Variants in TMEM243 observed in about 807,000 individuals in gnomAD.
The protein encoded by TMEM243 is transmembrane protein 243.
Under a neutral mutation model 15.0 loss-of-function variants are expected in TMEM243, and 20 were observed. The observed-to-expected ratio is 1.33, with a 90% confidence interval of 0.94 to 1.93. The LOEUF (loss-of-function observed/expected upper bound fraction) is 1.93, where lower values mean the gene tolerates loss of function less well. Among genes scored for constraint, TMEM243 ranks in the 30% most tolerant of loss-of-function variants. The pLI is 0.00. For missense variants in TMEM243, 156 were observed against 142.1 expected (o/e 1.10, Z -0.50); for synonymous variants, 72 against 52.7 (o/e 1.37, Z -1.59).
rs755808865 is a variant in TMEM243 at position 87,196,761 on chromosome 7, A to AAAAGAAG, written c.235-10_235-4dup. ...TCTCCTTGTCGATACCAGTAGATCTAAAAGAAGAATTAAAGTTTATAAATT... is the reference window on the plus strand; with the variant it reads ...TCTCCTTGTCGATACCAGTAGATCTAAAAGAAGAAAGAAGAATTAAAGTTTATAAATT... On this transcript the variant is annotated splice_region_variant and splice_polypyrimidine_tract_variant and intron_variant, in intron 3 of 3. Transcript: ENST00000257637. 2 of 1,533,854 alleles carry AAAAGAAG rather than the reference A, an allele frequency of 1.3e-6. No homozygotes were observed. The highest frequency in any genetic ancestry group is 1.8e-6 in the Non-Finnish European group (2 of 1,131,016).
At chr7:87,210,794 T>C (rs182184731) in intron 1 of TMEM243, among the ~76,000 whole-genome samples, 2 of 152,188 alleles carry the variant, frequency 1.3e-5, no homozygotes, top group East Asian at 1.9e-4. Context: ...ATGCAATCCA[T>C]AACGGCTCCC....
chr7:87,211,349 G>A (rs1316023597), intron 1 of TMEM243, among the ~76,000 whole-genome samples: 3 of 152,154 alleles, frequency 2.0e-5, no homozygotes, highest in Non-Finnish European at 4.4e-5. Flanking sequence ...CTGGGATGGG[G>A]AAAGAGCAAG....
rs1802320741 is a variant in TMEM243 at position 87,207,582 on chromosome 7, C to T, written c.79-8525G>A. 9.6e-4 allele frequency among the ~76,000 whole-genome samples: 4 copies of T among 4,184 alleles called. 1 individual carries two copies. The South Asian group carries it at 0.024, about 25-fold the overall frequency. The allele number at this position is 4,184 out of a possible 152,430, so 2.7% of individuals were successfully genotyped here. On this transcript the variant is annotated intron_variant, in intron 1 of 3. Coordinates refer to ENST00000257637, the MANE Select transcript of TMEM243 (RefSeq NM_024315.4). ...CTGCACTCCCACCTGGGCCACAGAG[C>T]GAGACTCCGTCTCAAAAAAAAAAAA... is the stretch of plus-strand genomic sequence containing the variant.
At chr7:87,202,434 G>A (rs1014836685) in intron 1 of TMEM243, among the ~76,000 whole-genome samples, 1 of 152,218 alleles carries the variant, frequency 6.6e-6, no homozygotes. Context: ...AAAAGAGCTG[G>A]AATGCAATGC....
Position 87,196,563 on chromosome 7 carries a change from C to G in TMEM243, c.*73G>C. The G allele has an allele frequency of 6.8e-7, 1 of 1,473,850 alleles. No homozygotes were observed. The highest frequency in any genetic ancestry group is 9.2e-7 in the Non-Finnish European group (1 of 1,092,126). 91.3% of individuals were successfully genotyped at this position (1,473,850 alleles called of 1,614,324 possible). A position where few individuals can be genotyped will look rare whatever the true frequency, so the allele number is the denominator to read the frequency against. On this transcript the variant is annotated 3_prime_UTR_variant, in exon 4 of 4. Coordinates refer to ENST00000257637, the MANE Select transcript of TMEM243 (RefSeq NM_024315.4). Reference sequence around the variant, plus strand: ...TTCTGCAGGAGATTCTTCAGCATACCTTATCCAAAAATTACTCACTGTCCT... The same window carrying G: ...TTCTGCAGGAGATTCTTCAGCATACGTTATCCAAAAATTACTCACTGTCCT...
chr7:87,210,644 C>T (rs1562886568), intron 1 of TMEM243, among the ~76,000 whole-genome samples: 1 of 152,220 alleles, frequency 6.6e-6, no homozygotes, highest in Non-Finnish European at 1.5e-5. Context: ...CTATGTTTCA[C>T]ATCTAGGCCA....
chr7:87,211,467 CA>C (rs1237302969), intron 1 of TMEM243, among the ~76,000 whole-genome samples: 11 of 152,162 alleles, frequency 7.2e-5, no homozygotes, highest in Admixed American at 7.2e-4. Context: ...ATTTTGCCTC[CA>C]AAGTTCTGCA....
chr7:87,219,719 C>G lies in TMEM243; in HGVS notation c.-216G>C. On this transcript the variant is annotated 5_prime_UTR_variant, in exon 1 of 4. Coordinates refer to ENST00000257637, the MANE Select transcript of TMEM243 (RefSeq NM_024315.4). Reference sequence around the variant, plus strand: ...CCGCGCACCTCCTCATCTTGAGCAGCTGCCGCAGGAAGTGAAAGGAAACAA... The same window carrying G: ...CCGCGCACCTCCTCATCTTGAGCAGGTGCCGCAGGAAGTGAAAGGAAACAA... The G allele has an allele frequency of 1.7e-6, 1 of 576,618 alleles. No homozygotes were observed. Among genetic ancestry groups the G allele is most frequent in the East Asian group, 2.9e-5 (1 of 34,048 alleles). The allele number at this position is 576,618 out of a possible 1,614,324, so 35.7% of individuals were successfully genotyped here.
upstream of TMEM243, chr7:87,219,768 G>T (rs1803375236): frequency 2.0e-6 from 1 of 490,946 alleles, no homozygotes; most frequent in Non-Finnish European, 3.6e-6. Flanking sequence ...GACTCTCAGC[G>T]GGACGCCCCC....
intron 1 of TMEM243, among the ~76,000 whole-genome samples, chr7:87,205,543 C>T (rs1359771907): frequency 2.0e-5 from 3 of 152,150 alleles, no homozygotes; most frequent in African/African-American, 7.2e-5. Flanking sequence ...TACCCTAACT[C>T]ATCTCCCTCA....
rs777573045 is a variant in TMEM243, at chr7:87,210,358, T to TC, written c.78+9067dup. ...AAAACCAATCATGCCTTCCCAACAGTCCCCCCGAAGTCTTAACTCATTCCA... is the reference window on the plus strand; with the variant it reads ...AAAACCAATCATGCCTTCCCAACAGTCCCCCCCGAAGTCTTAACTCATTCCA... On this transcript the variant is annotated intron_variant, in intron 1 of 3. Coordinates refer to ENST00000257637, the MANE Select transcript of TMEM243 (RefSeq NM_024315.4). Among the ~76,000 whole-genome samples the TC allele has an allele frequency of 9.9e-5, 15 of 151,992 alleles. No homozygotes were observed. The East Asian group carries it at 2.1e-3, about 22-fold the overall frequency.
chr7:87,206,039 G>A (rs1466788836), intron 1 of TMEM243, among the ~76,000 whole-genome samples: 9 of 152,112 alleles, frequency 5.9e-5, no homozygotes, highest in Admixed American at 1.3e-4. Context: ...AAAAGATAAC[G>A]TCTTACATGG....
intron 1 of TMEM243, among the ~76,000 whole-genome samples, chr7:87,215,319 G>T (rs1037839151): frequency 6.6e-6 from 1 of 152,020 alleles, no homozygotes; most frequent in South Asian, 2.1e-4. Context: ...GCTCAGGCTG[G>T]TTTCAAAATC....
intron 1 of TMEM243, among the ~76,000 whole-genome samples, chr7:87,215,069 C>T (rs1258931781): frequency 3.3e-5 from 5 of 152,188 alleles, no homozygotes; most frequent in Non-Finnish European, 7.3e-5. Context: ...GGTAACTGAG[C>T]ATCTGAAACA....
In TMEM243 at chr7:87,196,752, A is replaced by G; in HGVS notation, c.241T>C (p.Trp81Arg). The G allele has an allele frequency of 6.5e-7, 1 of 1,548,584 alleles. No individual in the cohort carries two copies. The highest frequency in any genetic ancestry group is 8.8e-7 in the Non-Finnish European group (1 of 1,139,670). The change falls in exon 4 of 4, where the codon TGG (tryptophan) becomes CGG (arginine). Residue 81 changes from tryptophan to arginine, a missense_variant. Trp to Arg is a moderately radical substitution (Grantham distance 101). Coordinates refer to ENST00000257637, the MANE Select transcript of TMEM243 (RefSeq NM_024315.4). ...GGTTCTAAGTCTCCTTGTCGATACC[A>G]GTAGATCTAAAAGAAGAATTAAAGT... is the stretch of plus-strand genomic sequence containing the variant. ...SSITACILIY[W>R]YRQGDLEPKF...
At position 87,196,674 on chromosome 7, in the gene TMEM243, T is replaced by C. The variant is rs142491708; in HGVS notation, c.319A>G (p.Ile107Val). ...TCATGGAAGTACAGGTTTGCACATA[T>C]ACACAACATGATGATAGAAAATATG... is the stretch of plus-strand genomic sequence containing the variant. ...YIIFSIIMLC[I>V]CANLYFHDVG... Residue 107 changes from isoleucine to valine, a missense_variant, in exon 4 of 4, where the codon ATA becomes GTA. By Grantham distance (29) the Ile-to-Val change is conservative. Transcript: ENST00000257637. The C allele has an allele frequency of 3.2e-5, 52 of 1,610,546 alleles. No homozygotes were observed. The East Asian group carries it at 7.4e-4, about 23-fold the overall frequency.
rs1182378170 is a variant in TMEM243, at chr7:87,209,811, AGT to A, written c.78+9613_78+9614del. Reference sequence around the variant, plus strand: ...GTGAGAGCGAGACAGAGCGAGAGACAGTGAGAGAGCGAGAGACAGTGAGAGAG... The same window carrying A: ...GTGAGAGCGAGACAGAGCGAGAGACAGAGAGAGCGAGAGACAGTGAGAGAG... On this transcript the variant is annotated intron_variant, in intron 1 of 3. Coordinates refer to ENST00000257637, the MANE Select transcript of TMEM243 (RefSeq NM_024315.4). 9.1e-5 allele frequency among the ~76,000 whole-genome samples: 13 copies of A among 142,996 alleles called. 1 individual carries two copies. Among genetic ancestry groups the A allele is most frequent in the African/African-American group, 3.5e-4 (13 of 36,772 alleles). The allele number at this position is 142,996 out of a possible 152,430, so 93.8% of individuals were successfully genotyped here. A position where few individuals can be genotyped will look rare whatever the true frequency, so the allele number is the denominator to read the frequency against.
chr7:87,213,659 T>C (rs1802913321), intron 1 of TMEM243, among the ~76,000 whole-genome samples: 1 of 152,182 alleles, frequency 6.6e-6, no homozygotes, highest in South Asian at 2.1e-4. Context: ...ACAACAAAAA[T>C]GGCATGAAGT....
Position 87,207,512 on chromosome 7 carries a change from C to T in TMEM243, c.79-8455G>A, listed in dbSNP as rs1300934591. On this transcript the variant is annotated intron_variant, in intron 1 of 3. Transcript: ENST00000257637. ...TCGGGAGGCTGAGGCAGGAGAATGG[C>T]GTGAACCTGGGAGGCGGAGCTTGCA... Among the ~76,000 whole-genome samples the T allele has an allele frequency of 1.5e-3, 15 of 10,300 alleles. 7 individuals are homozygous for T. The highest frequency in any genetic ancestry group is 3.0e-3 in the Non-Finnish European group (11 of 3,668). 6.8% of individuals were successfully genotyped at this position (10,300 alleles called of 152,430 possible).
Sources: allele counts gnomAD v4.1 joint callset (sites outside exome capture counted in the v4.1 genomes callset), GRCh38; gene constraint gnomAD v4.1.1; transcripts MANE v1.5; gene names NCBI Gene and HGNC (gene_info 2026-07-23, HGNC 2026-07-21).